ARHGAP10: variants seen among roughly 807,000 people sequenced by gnomAD.
The protein encoded by ARHGAP10 is rho GTPase-activating protein 10.
ARHGAP10 carries 87 observed loss-of-function variants against 108.6 expected under a neutral mutation model. The ratio of observed to expected loss-of-function variants is 0.80; its 90% CI spans 0.67 to 0.96. ARHGAP10 has a LOEUF of 0.96. Among genes scored for constraint, ARHGAP10 ranks in the 40% least tolerant of loss-of-function variants. The pLI, the probability that ARHGAP10 is intolerant of heterozygous loss-of-function variation, is 0.00. For synonymous variants in ARHGAP10, 347 were observed against 341.1 expected, an observed-to-expected ratio of 1.02 and a Z score of -0.19; for missense variants, 939 against 954.5, an observed-to-expected ratio of 0.98 and a Z score of 0.21.
chr4:147,824,582 G>T (rs751107395), intron 3 of ARHGAP10, among the ~76,000 whole-genome samples: 1 of 152,114 alleles, frequency 6.6e-6, no homozygotes, highest in Non-Finnish European at 1.5e-5. Flanking sequence ...GGGAGGCCTC[G>T]GGAAACTTAC....
At chr4:147,909,880 C>G (rs1736664619) in intron 12 of ARHGAP10, 103 bp downstream of exon 12, 2 of 1,111,896 alleles carry the variant, frequency 1.8e-6, no homozygotes, top group East Asian at 2.4e-5. Flanking sequence ...TCTCTGCACC[C>G]TCTATTAGAC....
At chr4:148,017,162 GAA>G (rs1477827642) in intron 18 of ARHGAP10, among the ~76,000 whole-genome samples, 1 of 152,078 alleles carries the variant, frequency 6.6e-6, no homozygotes, top group African/African-American at 2.4e-5. Flanking sequence ...CTAATGGACT[GAA>G]AGAGAAACCC....
At chr4:147,897,921 T>C (rs563803982) in intron 10 of ARHGAP10, among the ~76,000 whole-genome samples, 1 of 152,302 alleles carries the variant, frequency 6.6e-6, no homozygotes, top group Non-Finnish European at 1.5e-5. Context: ...CAGCGTGTTC[T>C]CAGCTCACTG....
intron 5 of ARHGAP10, chr4:147,863,724 A>G (rs1438609216): frequency 1.3e-5 from 2 of 152,188 alleles, no homozygotes; most frequent in Non-Finnish European, 2.9e-5. Flanking sequence ...ATTCTGGTTA[A>G]TGAAGCCACA....
rs570044046 is a variant in ARHGAP10, at chr4:147,909,831, G to T, written c.1162+54G>T. 1.4e-5 allele frequency: 22 copies of T among 1,534,788 alleles called. No individual in the cohort carries two copies. The African/African-American group carries it at 2.9e-4, about 20-fold the overall frequency. On this transcript the variant is annotated intron_variant, in intron 12 of 22. Coordinates refer to ENST00000336498, the MANE Select transcript of ARHGAP10 (RefSeq NM_024605.4). ...ATCCTCCTTTTCCATCTATTACTTT[G>T]TGTACATTATGCATGTCAAGCTGTT...
chr4:147,958,981 G>A (rs972380041), intron 16 of ARHGAP10, among the ~76,000 whole-genome samples: 3 of 151,888 alleles, frequency 2.0e-5, no homozygotes, highest in African/African-American at 7.3e-5. Flanking sequence ...CAAGAATTTG[G>A]TATTATGATT....
chr4:148,063,200 A>C lies in ARHGAP10; in HGVS notation c.2080A>C (p.Thr694Pro). 1 of 1,614,064 alleles carries C rather than the reference A, an allele frequency of 6.2e-7. No homozygotes were observed. The highest frequency in any genetic ancestry group is 1.3e-5 in the African/African-American group (1 of 75,010). ...CCAGTGGCTTAACCCACAGTCTCCA[A>C]CCACAACAAGCTCCAACTCAGCTGT... ...MVQWLNPQSP[T>P]TTSSNSAVTP... The change falls in exon 21 of 23, where the codon ACC becomes CCC. Residue 694 changes from threonine to proline, a missense_variant. Coordinates refer to ENST00000336498, the MANE Select transcript of ARHGAP10 (RefSeq NM_024605.4).
chr4:147,955,448 A>G (rs1738755798), intron 16 of ARHGAP10, 74 bp downstream of exon 16: 9 of 1,340,500 alleles, frequency 6.7e-6, no homozygotes, highest in Non-Finnish European at 9.4e-6. Context: ...TTTCCATATG[A>G]AAAATTCAAC....
At chr4:148,025,979 C>T (rs1052866119) in intron 19 of ARHGAP10, among the ~76,000 whole-genome samples, 10 of 152,064 alleles carry the variant, frequency 6.6e-5, no homozygotes, top group African/African-American at 1.9e-4. Flanking sequence ...TCCCTGCCCC[C>T]GCCCCGTGAC....
intron 1 of ARHGAP10, among the ~76,000 whole-genome samples, chr4:147,804,777 A>G (rs913814891): frequency 6.6e-6 from 1 of 151,964 alleles, no homozygotes; most frequent in Admixed American, 6.6e-5. Context: ...GGCCACATGT[A>G]TGTCGTCTTT....
rs28584905 is a variant in ARHGAP10 at position 147,885,713 on chromosome 4, C to T, written c.1034+3781C>T. The stretch of plus-strand genomic sequence containing the variant: ...TCCATGACAGTTAACCATTCTGGTT[C>T]TCCCTCAGATCTCTTGGTCCTCTCC... On this transcript the variant is annotated intron_variant, in intron 10 of 22. Transcript: ENST00000336498. 7.7e-3 allele frequency among the ~76,000 whole-genome samples: 1,171 copies of T among 152,340 alleles called. 13 individuals carry two copies. The highest frequency in any genetic ancestry group is 0.026 in the African/African-American group (1,099 of 41,578).
chr4:147,892,536 T>G (rs533789664), intron 10 of ARHGAP10, among the ~76,000 whole-genome samples: 124 of 152,264 alleles, frequency 8.1e-4, no homozygotes, highest in African/African-American at 2.9e-3. Context: ...AAGTAACAGT[T>G]CAGAGGTCTA....
intron 15 of ARHGAP10, among the ~76,000 whole-genome samples, chr4:147,954,057 A>G (rs1367459960): frequency 6.6e-6 from 1 of 152,046 alleles, no homozygotes; most frequent in Non-Finnish European, 1.5e-5. Context: ...TAATCAAAAA[A>G]CAAACTCTGT....
At chr4:147,800,362 T>G (rs1247962299) in intron 1 of ARHGAP10, among the ~76,000 whole-genome samples, 1 of 152,226 alleles carries the variant, frequency 6.6e-6, no homozygotes, top group Non-Finnish European at 1.5e-5. Context: ...TAGGCCCATG[T>G]GACCAGAGAG....
intron 18 of ARHGAP10, among the ~76,000 whole-genome samples, chr4:147,984,417 G>T (rs904158815): frequency 6.6e-6 from 1 of 152,358 alleles, no homozygotes; most frequent in Admixed American, 6.5e-5. Context: ...CTCCATGTTC[G>T]TTCCAGGGCT....
At chr4:147,832,368 T>A (rs1579094524) in intron 3 of ARHGAP10, among the ~76,000 whole-genome samples, 6 of 145,190 alleles carry the variant, frequency 4.1e-5, no homozygotes, top group Admixed American at 7.0e-5. Flanking sequence ...AAAAGAGGAG[T>A]CCAGGCACGG....
At chr4:147,937,182 C>A (rs1400567251) in intron 13 of ARHGAP10, among the ~76,000 whole-genome samples, 1 of 152,132 alleles carries the variant, frequency 6.6e-6, no homozygotes, top group Non-Finnish European at 1.5e-5. Flanking sequence ...TCTCACAATT[C>A]TGGGGGCTAC....
At chr4:147,878,992 G>A (rs1735208704) in intron 8 of ARHGAP10, among the ~76,000 whole-genome samples, 2 of 151,660 alleles carry the variant, frequency 1.3e-5, no homozygotes, top group Admixed American at 1.3e-4. Context: ...GGATGGTCTC[G>A]ATTTCCTGAC....
At chr4:148,007,040 T>C (rs145486516) in intron 18 of ARHGAP10, among the ~76,000 whole-genome samples, 1 of 152,326 alleles carries the variant, frequency 6.6e-6, no homozygotes, top group Non-Finnish European at 1.5e-5. Context: ...CGAAATTGCC[T>C]GTAGGTGCGG....
Sources: allele counts gnomAD v4.1 joint callset (sites outside exome capture counted in the v4.1 genomes callset), GRCh38; gene constraint gnomAD v4.1.1; transcripts MANE v1.5; gene names NCBI Gene and HGNC (gene_info 2026-07-23, HGNC 2026-07-21).